Variants in PDE5A observed in about 807,000 individuals in gnomAD.
The protein encoded by PDE5A is cGMP-specific 3',5'-cyclic phosphodiesterase.
Under a neutral mutation model 110.2 loss-of-function variants are expected in PDE5A, and 67 were observed. The ratio of observed to expected loss-of-function variants is 0.61; its 90% confidence interval spans 0.50 to 0.75. PDE5A has a LOEUF of 0.75. Among genes scored for constraint, PDE5A ranks in the 30% least tolerant of loss-of-function variants. PDE5A has a pLI of 0.00. For missense variants in PDE5A, 862 were observed against 1,045.1 expected (o/e 0.82, Z 2.42); for synonymous variants, 328 against 351.2 (o/e 0.93, Z 0.74).
At chr4:119,598,542 A>C (rs1179510019) in intron 2 of PDE5A, among the ~76,000 whole-genome samples, 1 of 152,228 alleles carries the variant, frequency 6.6e-6, no homozygotes, top group East Asian at 1.9e-4. Context: ...GACAGTATGA[A>C]AGAACACAAG....
chr4:119,565,925 A>G (rs994349848), intron 4 of PDE5A, among the ~76,000 whole-genome samples: 6 of 148,824 alleles, frequency 4.0e-5, no homozygotes, highest in African/African-American at 1.5e-4. Context: ...TTCTAATTAT[A>G]TTAATTATTG....
At chr4:119,538,284 C>T (rs1376246882) in intron 11 of PDE5A, among the ~76,000 whole-genome samples, 1 of 152,150 alleles carries the variant, frequency 6.6e-6, no homozygotes, top group Non-Finnish European at 1.5e-5. Context: ...ATGATCTGTT[C>T]ACACTTTTCT....
At chr4:119,545,752 G>C (rs1021716731) in intron 9 of PDE5A, among the ~76,000 whole-genome samples, 1 of 152,122 alleles carries the variant, frequency 6.6e-6, no homozygotes, top group Admixed American at 6.6e-5. Context: ...TCTTCCTCCT[G>C]GCTCTTTGGC....
At chr4:119,606,688 C>T (rs997445494) in intron 2 of PDE5A, 21 bp downstream of exon 2, 1 of 1,584,014 alleles carries the variant, frequency 6.3e-7, no homozygotes, top group Admixed American at 1.7e-5. Context: ...ACTGGTCCTG[C>T]TCTCATGCTC....
chr4:119,551,442 G>C (rs2110495272), intron 9 of PDE5A, among the ~76,000 whole-genome samples: 1 of 152,286 alleles, frequency 6.6e-6, no homozygotes, highest in Middle Eastern at 3.4e-3. Flanking sequence ...AGAGAATGTT[G>C]AATTGTGCTA....
intron 20 of PDE5A, 22 bp downstream of exon 20, chr4:119,501,148 C>A: frequency 7.0e-7 from 1 of 1,423,566 alleles, no homozygotes; most frequent in Middle Eastern, 1.8e-4. Flanking sequence ...TTTAGCAAGT[C>A]TAGTAGTTTT....
chr4:119,524,839 C>A (rs1171441018), intron 12 of PDE5A, among the ~76,000 whole-genome samples: 1 of 152,020 alleles, frequency 6.6e-6, no homozygotes, highest in Non-Finnish European at 1.5e-5. Flanking sequence ...TATTATAATA[C>A]ATAGCCATTA....
chr4:119,559,093 T>C (rs1027960353), intron 7 of PDE5A, among the ~76,000 whole-genome samples: 3 of 152,150 alleles, frequency 2.0e-5, no homozygotes, highest in African/African-American at 7.2e-5. Flanking sequence ...AATATCTTTA[T>C]ACTAAGACTG....
intron 1 of PDE5A, among the ~76,000 whole-genome samples, chr4:119,626,260 T>C (rs1360720379): frequency 6.6e-6 from 1 of 152,076 alleles, no homozygotes; most frequent in Non-Finnish European, 1.5e-5. Context: ...GAAAAAGTAA[T>C]GGGAAAAGAA....
Position 119,627,758 on chromosome 4 carries a change from T to C in PDE5A, c.152+762A>G. On this transcript the variant is annotated intron_variant, in intron 1 of 20. Transcript: ENST00000354960. This position sits in a 1 kb window ranked among gnomAD's most constrained non-coding sequence, Gnocchi z 4.6. ...AGGACAGGCTCCCTCCTCCCCGCCC[T>C]CCGCAAGGGCCGCCCCGGCGCTTGG... is the stretch of plus-strand genomic sequence containing the variant. The C allele has an allele frequency of 6.5e-6, 1 of 153,076 alleles. No individual in the cohort carries two copies. The highest frequency in any genetic ancestry group is 1.5e-5 in the Non-Finnish European group (1 of 68,822). The allele number at this position is 153,076 out of a possible 1,614,324, so 9.5% of individuals were successfully genotyped here. A position where few individuals can be genotyped will look rare whatever the true frequency, so the allele number is the denominator to read the frequency against.
chr4:119,504,665 T>C (rs1317153141), intron 17 of PDE5A, 66 bp from the exon 18 acceptor site: 5 of 1,280,840 alleles, frequency 3.9e-6, no homozygotes, highest in Non-Finnish European at 4.4e-6. Flanking sequence ...CCTCAGTAAA[T>C]AGTTACTAAT....
chr4:119,527,515 G>A (rs1472245629), intron 11 of PDE5A, among the ~76,000 whole-genome samples: 2 of 152,142 alleles, frequency 1.3e-5, no homozygotes, highest in African/African-American at 4.8e-5. Context: ...TTGGGATAAA[G>A]GTGATTTTAA....
intron 1 of PDE5A, among the ~76,000 whole-genome samples, chr4:119,615,356 T>C (rs1210290274): frequency 6.6e-6 from 1 of 152,150 alleles, no homozygotes; most frequent in Non-Finnish European, 1.5e-5. Flanking sequence ...TTGCTATCTC[T>C]TACACCCTTA....
intron 3 of PDE5A, among the ~76,000 whole-genome samples, chr4:119,583,345 T>G (rs921782283): frequency 1.3e-5 from 2 of 152,222 alleles, no homozygotes; most frequent in South Asian, 4.1e-4. Flanking sequence ...TTCACAGTAT[T>G]AAAGAAGTTA....
Position 119,606,906 on chromosome 4 carries a change from C to A in PDE5A, c.544G>T (p.Ala182Ser). The change falls in exon 2 of 21, where the codon GCT (alanine) becomes TCT (serine). Residue 182 changes from alanine (A) to serine (S), a missense_variant. Coordinates refer to ENST00000354960, the MANE Select transcript of PDE5A (RefSeq NM_001083.4). ...ACAAGGAACAGGGAATAGCGGTCAG[C>A]AGATATCAGTCCATGGATATGCAAG... ...IFLHIHGLIS[A>S]DRYSLFLVCE... 1 of 1,614,228 alleles carries A rather than the reference C, an allele frequency of 6.2e-7. No individual in the cohort carries two copies. Among genetic ancestry groups the A allele is most frequent in the Non-Finnish European group, 8.5e-7 (1 of 1,180,036 alleles).
At chr4:119,612,346 C>A (rs1417958237) in intron 1 of PDE5A, among the ~76,000 whole-genome samples, 1 of 152,116 alleles carries the variant, frequency 6.6e-6, no homozygotes, top group Non-Finnish European at 1.5e-5. Context: ...AGTTCATGGC[C>A]TTGTTTAAAA....
intron 11 of PDE5A, chr4:119,527,092 A>C (rs1422470606): frequency 6.6e-6 from 1 of 152,136 alleles, no homozygotes; most frequent in African/African-American, 2.4e-5. Flanking sequence ...ATACAGTGCA[A>C]TGGACAGGAG....
At chr4:119,515,346 CT>C (rs1725874235) in intron 14 of PDE5A, among the ~76,000 whole-genome samples, 1 of 152,192 alleles carries the variant, frequency 6.6e-6, no homozygotes, top group African/African-American at 2.4e-5. Flanking sequence ...CTTCAGCTCA[CT>C]TCTGTCCTCT....
intron 19 of PDE5A, among the ~76,000 whole-genome samples, chr4:119,502,020 A>C (rs1725358137): frequency 6.6e-6 from 1 of 152,166 alleles, no homozygotes; most frequent in South Asian, 2.1e-4. Context: ...GGAGTAAACA[A>C]GTAGAATGCT....
Sources: allele counts gnomAD v4.1 joint callset (sites outside exome capture counted in the v4.1 genomes callset), GRCh38; gene constraint gnomAD v4.1.1; non-coding constraint Gnocchi (gnomAD v3.1); transcripts MANE v1.5; gene names NCBI Gene and HGNC (gene_info 2026-07-23, HGNC 2026-07-21).